CBLN2: variants seen among roughly 807,000 people sequenced by gnomAD.
CBLN2 encodes the protein cerebellin-2.
In CBLN2, 7 loss-of-function variants were observed where a neutral mutation model predicts 15.0. The observed-to-expected ratio is 0.47, with a 90% CI of 0.27 to 0.88. The LOEUF (loss-of-function observed/expected upper bound fraction) is 0.88, where lower values mean the gene tolerates loss of function less well. Ranked by LOEUF, CBLN2 falls within the 40% of genes least tolerant of loss-of-function variation. The probability of loss-of-function intolerance (pLI) is 0.14; values close to 1 mark genes in which losing one functional copy is unlikely to be tolerated. For missense variants in CBLN2, 242 were observed against 304.5 expected, an observed-to-expected ratio of 0.79 and a Z score of 1.53; for synonymous variants, 149 against 135.2, an observed-to-expected ratio of 1.10 and a Z score of -0.71.
chr18:72,571,692 T>G (rs2069333202), intron 1 of CBLN2, among the ~76,000 whole-genome samples: 1 of 152,200 alleles, frequency 6.6e-6, no homozygotes, highest in Non-Finnish European at 1.5e-5. Flanking sequence ...CTAAACCTAT[T>G]CAGTTATACA....
chr18:72,541,883 A>G lies in CBLN2; in HGVS notation c.278T>C (p.Val93Ala). The G allele has an allele frequency of 6.2e-7, 1 of 1,606,520 alleles. No homozygotes were observed. The highest frequency in any genetic ancestry group is 8.5e-7 in the Non-Finnish European group (1 of 1,178,322). ...GGTGCTCCGCGTGGCGGAGAAGGCC[A>G]CCTTGGCGCTGCCGGAGCGCACGGA... Reference protein sequence around the residue: ...GISVRSGSAKVAFSATRSTNH... With the variant: ...GISVRSGSAKAAFSATRSTNH... The change falls in exon 3 of 5, where the codon GTG (valine) becomes GCG (alanine). Residue 93 changes from valine (V) to alanine (A), a missense_variant. Physicochemically the swap from Val to Ala is moderately conservative, Grantham distance 64. Coordinates refer to ENST00000269503, the MANE Select transcript of CBLN2 (RefSeq NM_182511.4).
chr18:72,599,314 G>T lies in CBLN2; in HGVS notation c.15+39011C>A, dbSNP rs551163673. 1.7e-4 allele frequency among the ~76,000 whole-genome samples: 26 copies of T among 152,264 alleles called. 2 individuals are homozygous for T. The South Asian group carries it at 5.4e-3, about 32-fold the overall frequency. On this transcript the variant is annotated intron_variant, in intron 1 of 2. Transcript: ENST00000581073. ...AAAAATCATTTAAAAGACAGTATTA[G>T]ATAAGAATGGAGTTAAAACTTTTCA... is the stretch of plus-strand genomic sequence containing the variant.
intron 2 of CBLN2, among the ~76,000 whole-genome samples, chr18:72,542,532 C>G (rs2069124312): frequency 6.6e-6 from 1 of 151,370 alleles, no homozygotes. Flanking sequence ...TGAAGGCTCC[C>G]GAGCAGCGCG....
At chr18:72,586,683 G>A (rs948406135) in intron 1 of CBLN2, among the ~76,000 whole-genome samples, 3 of 152,208 alleles carry the variant, frequency 2.0e-5, no homozygotes, top group African/African-American at 4.8e-5. Context: ...CAGTACGTTA[G>A]TGACTGGTGT....
At chr18:72,554,491 G>T (rs1287815947) in intron 1 of CBLN2, among the ~76,000 whole-genome samples, 1 of 151,810 alleles carries the variant, frequency 6.6e-6, no homozygotes, top group Non-Finnish European at 1.5e-5. Flanking sequence ...ATTTTAAAAT[G>T]GTATACATTA....
upstream of CBLN2, among the ~76,000 whole-genome samples, chr18:72,547,938 C>T (rs953009065): frequency 2.0e-5 from 3 of 152,172 alleles, no homozygotes; most frequent in Non-Finnish European, 2.9e-5. Flanking sequence ...CTTTAACATC[C>T]GGCGATTGTT....
intron 1 of CBLN2, among the ~76,000 whole-genome samples, chr18:72,602,889 A>G (rs75757696): frequency 1.9e-3 from 285 of 152,126 alleles, no homozygotes; most frequent in Middle Eastern, 3.4e-3. Context: ...CTTAATACTT[A>G]CCTCTTACTG....
chr18:72,582,431 T>C (rs748928045), intron 1 of CBLN2, among the ~76,000 whole-genome samples: 5 of 152,146 alleles, frequency 3.3e-5, no homozygotes, highest in Non-Finnish European at 7.4e-5. Flanking sequence ...CTAAGGCTTG[T>C]TCTTTCAGAT....
At chr18:72,597,382 C>T (rs552245307) in intron 1 of CBLN2, among the ~76,000 whole-genome samples, 4 of 152,332 alleles carry the variant, frequency 2.6e-5, no homozygotes, top group Admixed American at 6.5e-5. Flanking sequence ...CCTCACTTTG[C>T]CTGAACAAAC....
At chr18:72,590,006 G>C (rs970617066) in intron 1 of CBLN2, among the ~76,000 whole-genome samples, 1 of 152,092 alleles carries the variant, frequency 6.6e-6, no homozygotes, top group South Asian at 2.1e-4. Context: ...GGTGGCTCTC[G>C]CCTGTAATCC....
intron 1 of CBLN2, among the ~76,000 whole-genome samples, chr18:72,616,628 A>G (rs2069664403): frequency 6.6e-6 from 1 of 152,136 alleles, no homozygotes; most frequent in Non-Finnish European, 1.5e-5. Flanking sequence ...TTGTGTGAGC[A>G]TGTGGCAATC....
intron 1 of CBLN2, among the ~76,000 whole-genome samples, chr18:72,630,523 C>CT (rs2069768246): frequency 7.0e-6 from 1 of 142,116 alleles, no homozygotes; most frequent in African/African-American, 2.8e-5. Flanking sequence ...CACACACACC[C>CT]TGCACAACTC....
At chr18:72,624,226 T>C (rs1004404467) in intron 1 of CBLN2, among the ~76,000 whole-genome samples, 2 of 150,880 alleles carry the variant, frequency 1.3e-5, no homozygotes, top group African/African-American at 2.4e-5. Context: ...TTTAGGAAAA[T>C]GGTTAACCAC....
At chr18:72,623,893 C>T (rs1372258257) in intron 1 of CBLN2, among the ~76,000 whole-genome samples, 1 of 152,088 alleles carries the variant, frequency 6.6e-6, no homozygotes, top group Non-Finnish European at 1.5e-5. Flanking sequence ...TTAGTATAGC[C>T]CTTAAAAATA....
At chr18:72,547,718 A>G (rs1198737677), upstream of CBLN2, among the ~76,000 whole-genome samples, 1 of 152,062 alleles carries the variant, frequency 6.6e-6, no homozygotes, top group Admixed American at 6.6e-5. Flanking sequence ...TTAAGGAAAA[A>G]ACTTGTGCTT....
chr18:72,586,247 T>C (rs908773838), intron 1 of CBLN2, among the ~76,000 whole-genome samples: 4 of 152,248 alleles, frequency 2.6e-5, no homozygotes, highest in Non-Finnish European at 5.9e-5. Flanking sequence ...AAAATTATTA[T>C]TGTTTCCTCT....
chr18:72,607,778 T>C (rs1030807733), intron 1 of CBLN2, among the ~76,000 whole-genome samples: 4 of 152,000 alleles, frequency 2.6e-5, no homozygotes, highest in African/African-American at 9.7e-5. Context: ...CCTTTTCAAT[T>C]CAGATTTTGA....
rs939497567 is a variant in CBLN2, at chr18:72,543,234, C to T, written c.-167+252G>A. 1.2e-5 allele frequency: 4 copies of T among 343,288 alleles called. No individual in the cohort carries two copies. Among genetic ancestry groups the T allele is most frequent in the African/African-American group, 6.3e-5 (3 of 47,286 alleles). The allele number at this position is 343,288 out of a possible 1,614,324, so 21.3% of individuals were successfully genotyped here. A position where few individuals can be genotyped will look rare whatever the true frequency, so the allele number is the denominator to read the frequency against. Reference sequence around the variant, plus strand: ...GGAAAGCAGACAGGCCATTTCAATACCAGCCCAGAGACACGCAGAGAAGCC... The same window carrying T: ...GGAAAGCAGACAGGCCATTTCAATATCAGCCCAGAGACACGCAGAGAAGCC... On this transcript the variant is annotated intron_variant, in intron 2 of 4. Transcript: ENST00000269503. The surrounding 1 kb of genome is among the most constrained non-coding windows in gnomAD (Gnocchi z 6.8).
At chr18:72,580,654 G>T (rs2069396924) in intron 1 of CBLN2, among the ~76,000 whole-genome samples, 1 of 151,948 alleles carries the variant, frequency 6.6e-6, no homozygotes, top group African/African-American at 2.4e-5. Flanking sequence ...GAATTCATTT[G>T]TATTATGTTG....
Sources: gnomAD v4.1 joint callset for allele counts (sites outside exome capture counted in the v4.1 genomes callset) on GRCh38, gnomAD v4.1.1 for gene constraint, Gnocchi (gnomAD v3.1) non-coding constraint, MANE v1.5 for transcripts, NCBI Gene and HGNC (gene_info 2026-07-23, HGNC 2026-07-21) for gene names.